The following TCF12 variants were observed in gnomAD, a reference collection of about 807,000 sequenced individuals.
The protein encoded by TCF12 is DNA-binding protein HTF4.
TCF12 carries 45 observed loss-of-function variants against 86.0 expected under a neutral mutation model. The ratio of observed to expected loss-of-function variants is 0.52; its 90% confidence interval spans 0.41 to 0.67. TCF12 has a LOEUF of 0.67. Among genes scored for constraint, TCF12 ranks in the 30% least tolerant of loss-of-function variants. The pLI, the probability that TCF12 is intolerant of heterozygous loss-of-function variation, is 0.00. For missense variants in TCF12, 881 were observed against 859.9 expected (o/e 1.02, Z -0.31); for synonymous variants, 330 against 299.6 (o/e 1.10, Z -1.05).
At chr15:57,017,249 TA>T (rs756614261) in intron 3 of TCF12, among the ~76,000 whole-genome samples, 2 of 152,172 alleles carry the variant, frequency 1.3e-5, no homozygotes, top group African/African-American at 2.4e-5. Flanking sequence ...ATTTGAGAAG[TA>T]AATAAAAATT....
chr15:57,119,092 T>G (rs575714178), intron 5 of TCF12, among the ~76,000 whole-genome samples: 2 of 152,196 alleles, frequency 1.3e-5, no homozygotes, highest in East Asian at 3.9e-4. Context: ...CTCACAGGTT[T>G]TCTTTCTTTT....
intron 3 of TCF12, among the ~76,000 whole-genome samples, chr15:57,025,118 C>T (rs769532869): frequency 1.3e-4 from 20 of 151,866 alleles, no homozygotes; most frequent in East Asian, 3.9e-4. Context: ...CTCGCTCTGT[C>T]GCCCAGGCTG....
At chr15:57,223,484 A>G (rs1234010266) in intron 8 of TCF12, among the ~76,000 whole-genome samples, 1 of 151,944 alleles carries the variant, frequency 6.6e-6, no homozygotes, top group African/African-American at 2.4e-5. Flanking sequence ...TTTCATGAAT[A>G]CTAATTGATG....
intron 5 of TCF12, among the ~76,000 whole-genome samples, chr15:57,153,958 G>T (rs1012687066): frequency 3.3e-5 from 5 of 151,172 alleles, no homozygotes; most frequent in Non-Finnish European, 5.9e-5. Context: ...TCACGCCATT[G>T]CATTCCACCC....
chr15:57,244,204 G>T (rs564432059), intron 13 of TCF12, among the ~76,000 whole-genome samples: 159 of 152,166 alleles, frequency 1.0e-3, no homozygotes, highest in Non-Finnish European at 1.9e-3. Context: ...TTATAAGATA[G>T]CATGTAAAAT....
chr15:57,113,445 C>A (rs2050631536), intron 5 of TCF12, among the ~76,000 whole-genome samples: 1 of 152,144 alleles, frequency 6.6e-6, no homozygotes, highest in African/African-American at 2.4e-5. Context: ...ATTTATATTT[C>A]TATCTGTATC....
At chr15:57,248,921 G>A (rs1182275289) in intron 13 of TCF12, among the ~76,000 whole-genome samples, 3 of 152,186 alleles carry the variant, frequency 2.0e-5, no homozygotes, top group Non-Finnish European at 4.4e-5. Flanking sequence ...AAAAGCAGAT[G>A]CATGCTGACA....
chr15:56,991,223 C>G (rs1286317560), intron 3 of TCF12, among the ~76,000 whole-genome samples: 1 of 152,216 alleles, frequency 6.6e-6, no homozygotes, highest in Non-Finnish European at 1.5e-5. Context: ...TTGATTTTCA[C>G]TAACCGTGAA....
intron 7 of TCF12, among the ~76,000 whole-genome samples, chr15:57,197,173 T>TTTTTTTTTTTTTTTTTTTC (rs60620441): frequency 6.7e-6 from 1 of 148,484 alleles, no homozygotes; most frequent in African/African-American, 2.5e-5. Flanking sequence ...TTTTTTTTTT[T>TTTTTTTTTTTTTTTTTTTC]GAGACAGAGG....
intron 8 of TCF12, among the ~76,000 whole-genome samples, chr15:57,220,827 C>G (rs1233743569): frequency 1.3e-5 from 2 of 151,986 alleles, no homozygotes; most frequent in Non-Finnish European, 2.9e-5. Flanking sequence ...TGTTTTCCTT[C>G]TAAATCTTTC....
chr15:56,961,522 G>C (rs1006883798), intron 3 of TCF12, among the ~76,000 whole-genome samples: 2 of 152,112 alleles, frequency 1.3e-5, no homozygotes, highest in African/African-American at 4.8e-5. Flanking sequence ...CAAACACATA[G>C]TATTATGCAT....
At chr15:56,919,745 C>A in intron 1 of TCF12, 147 bp from the exon 2 acceptor site, 1 of 633,204 alleles carries the variant, frequency 1.6e-6, no homozygotes, top group Admixed American at 3.1e-5. Flanking sequence ...GCCCCTTGCT[C>A]GCGCCGCGGT....
intron 5 of TCF12, among the ~76,000 whole-genome samples, chr15:57,147,652 G>A (rs1017220324): frequency 2.6e-5 from 4 of 152,108 alleles, no homozygotes; most frequent in Admixed American, 6.5e-5. Context: ...TGAATGGAAA[G>A]AGACAGTCAC....
chr15:57,106,845 G>T (rs77410740), intron 5 of TCF12, among the ~76,000 whole-genome samples: 3,533 of 152,300 alleles, frequency 0.023, 59 homozygotes, highest in Non-Finnish European at 0.034. Context: ...TTAAGGAATT[G>T]TAAATTTAAA....
intron 5 of TCF12, among the ~76,000 whole-genome samples, chr15:57,109,654 T>G (rs1228708020): frequency 6.6e-6 from 1 of 152,226 alleles, no homozygotes; most frequent in Non-Finnish European, 1.5e-5. Flanking sequence ...TATAGTATTT[T>G]AGGTTTTTGT....
intron 13 of TCF12, chr15:57,247,354 T>A: frequency 1.5e-6 from 1 of 657,374 alleles, no homozygotes; most frequent in Middle Eastern, 4.4e-4. Flanking sequence ...CAAAACTACC[T>A]CTACCACCTC....
intron 5 of TCF12, among the ~76,000 whole-genome samples, chr15:57,100,214 G>A (rs144080233): frequency 6.6e-6 from 1 of 152,116 alleles, no homozygotes; most frequent in African/African-American, 2.4e-5. Context: ...GATGACAGGG[G>A]CCGTGGCTAC....
At position 57,252,415 on chromosome 15, in the gene TCF12, T is replaced by G. The variant is rs762473768; in HGVS notation, c.1189-6T>G. On this transcript the variant is annotated splice_region_variant and splice_polypyrimidine_tract_variant and intron_variant, in intron 14 of 20. Transcript: ENST00000333725. The stretch of plus-strand genomic sequence containing the variant: ...TTTGCCTCCTGTTCTGTCTTGACTT[T>G]GCCAGAAAAATCGAGTTGAGCAGCA... 8.7e-6 allele frequency: 14 copies of G among 1,613,456 alleles called. No homozygotes were observed. The highest frequency in any genetic ancestry group is 1.2e-5 in the Non-Finnish European group (14 of 1,179,592).
chr15:57,248,281 C>G (rs575025707), intron 13 of TCF12, among the ~76,000 whole-genome samples: 8 of 152,296 alleles, frequency 5.3e-5, no homozygotes, highest in African/African-American at 1.7e-4. Flanking sequence ...TAGAATTGCT[C>G]TCTCCTGGTT....
Sources: allele counts gnomAD v4.1 joint callset (sites outside exome capture counted in the v4.1 genomes callset), GRCh38; gene constraint gnomAD v4.1.1; transcripts MANE v1.5; gene names NCBI Gene and HGNC (gene_info 2026-07-23, HGNC 2026-07-21).